Variants in OXTR observed in about 807,000 individuals in gnomAD.
OXTR encodes the protein oxytocin receptor.
In OXTR, 19 loss-of-function variants were observed where a neutral mutation model predicts 23.9. That is an observed-to-expected ratio of 0.80 (90% confidence interval 0.56 to 1.17). OXTR has a LOEUF of 1.17. Among genes scored for constraint, OXTR ranks in the 50% most tolerant of loss-of-function variants. The pLI, the probability that OXTR is intolerant of heterozygous loss-of-function variation, is 0.00. For synonymous variants in OXTR, 278 were observed against 250.5 expected, an observed-to-expected ratio of 1.11 and a Z score of -1.04; for missense variants, 500 against 550.7, an observed-to-expected ratio of 0.91 and a Z score of 0.92.
chr3:8,753,148 C>A lies in OXTR; in HGVS notation c.999G>T (p.Thr333=), dbSNP rs189691866. ...GCACGAGTTCGTGGAAGAGGTGGCC[C>A]GTGAACAGCATGTAGATCCAGGGGT... ...CCNPWIYMLF[T]GHLFHELVQR... Residue 333 remains threonine (T), a synonymous_variant, in exon 4 of 4, where the codon ACG becomes ACT. Transcript: ENST00000316793. 6.2e-7 allele frequency: 1 copy of A among 1,613,998 alleles called. No homozygotes were observed. The highest frequency in any genetic ancestry group is 1.1e-5 in the South Asian group (1 of 91,078).
intron 3 of OXTR, among the ~76,000 whole-genome samples, chr3:8,764,146 T>C (rs1240857181): frequency 6.6e-6 from 1 of 151,228 alleles, no homozygotes; most frequent in Non-Finnish European, 1.5e-5. Flanking sequence ...TTCGGGTCCC[T>C]GGGCCACCAC....
chr3:8,760,660 C>T (rs979824177), intron 3 of OXTR, among the ~76,000 whole-genome samples: 4 of 152,244 alleles, frequency 2.6e-5, no homozygotes, highest in African/African-American at 9.6e-5. Context: ...AGGTAAAAGG[C>T]ATCCCCTGGA....
At position 8,769,504 on chromosome 3, in the gene OXTR, GGGCTGA is replaced by G. The variant is rs1708717602; in HGVS notation, c.-518_-513del. The G allele has an allele frequency of 6.6e-6, 1 of 152,338 alleles. No homozygotes were observed. Among genetic ancestry groups the G allele is most frequent in the Non-Finnish European group, 1.5e-5 (1 of 68,112 alleles). The allele number at this position is 152,338 out of a possible 1,614,324, so 9.4% of individuals were successfully genotyped here. A position where few individuals can be genotyped will look rare whatever the true frequency, so the allele number is the denominator to read the frequency against. The stretch of plus-strand genomic sequence containing the variant: ...CGTCTGGATGCGGCGCTGTGCGCTG[GGGCTGA>G]GGCTGCACTATCGCACGGGTCCGCT... On this transcript the variant is annotated 5_prime_UTR_variant, in exon 1 of 4. Coordinates refer to ENST00000316793, the MANE Select transcript of OXTR (RefSeq NM_000916.4).
chr3:8,741,760 ACC>A, the OXTR span, among the ~76,000 whole-genome samples: 1 of 151,734 alleles, frequency 6.6e-6, no homozygotes, highest in Non-Finnish European at 1.5e-5. Flanking sequence ...GGTATTTTCG[ACC>A]CCGGGTGACT....
rs931656961 is a variant in OXTR, at chr3:8,751,414, T to C, written c.*1563A>G. 3.3e-5 allele frequency: 5 copies of C among 152,218 alleles called. No homozygotes were observed. The highest frequency in any genetic ancestry group is 1.2e-4 in the African/African-American group (5 of 41,458). The allele number at this position is 152,218 out of a possible 1,614,324, so 9.4% of individuals were successfully genotyped here. ...AAGTCCAATTTACCTATTTTTCCAT[T>C]GGTTGCTTGTGTCTTTGGTATCATA... On this transcript the variant is annotated 3_prime_UTR_variant, in exon 4 of 4. Coordinates refer to ENST00000316793, the MANE Select transcript of OXTR (RefSeq NM_000916.4).
Position 8,767,763 on chromosome 3 carries a change from C to T in OXTR, c.425G>A (p.Cys142Tyr). 2 of 1,605,498 alleles carry T rather than the reference C, an allele frequency of 1.2e-6. No homozygotes were observed. The highest frequency in any genetic ancestry group is 1.7e-5 in the Admixed American group (1 of 58,874). The change falls in exon 3 of 4, where the codon TGC becomes TAC. Residue 142 changes from cysteine to tyrosine, a missense_variant. Coordinates refer to ENST00000316793, the MANE Select transcript of OXTR (RefSeq NM_000916.4). Reference sequence around the variant, plus strand: ...GCGGCGCAGCGAGCGCAGCGGCTGGCAGATGGCCAGGCAGCGGTCCAGGGA... The same window carrying T: ...GCGGCGCAGCGAGCGCAGCGGCTGGTAGATGGCCAGGCAGCGGTCCAGGGA... ...LMSLDRCLAI[C>Y]QPLRSLRRRT...
Position 8,767,983 on chromosome 3 carries a change from G to C in OXTR, c.205C>G (p.Gln69Glu). ...CVLLALRTTR[Q>E]KHSRLFFFMK... ...AAGAAGAAGAGGCGCGAGTGCTTCT[G>C]GCGTGTGGTGCGCAGCGCCAGCAGC... The change falls in exon 3 of 4, where the codon CAG becomes GAG. Residue 69 changes from glutamine to glutamate, a missense_variant. Physicochemically the swap from Gln to Glu is conservative, Grantham distance 29. Transcript: ENST00000316793. The C allele has an allele frequency of 6.2e-7, 1 of 1,611,904 alleles. No homozygotes were observed. The highest frequency in any genetic ancestry group is 8.5e-7 in the Non-Finnish European group (1 of 1,179,286).
At chr3:8,765,940 G>A (rs1708597058) in intron 3 of OXTR, among the ~76,000 whole-genome samples, 1 of 152,228 alleles carries the variant, frequency 6.6e-6, no homozygotes, top group African/African-American at 2.4e-5. Context: ...GTGATTTTCA[G>A]AAAGGACCAA....
chr3:8,749,010 C>A (rs945707383), downstream of OXTR, among the ~76,000 whole-genome samples: 2 of 152,116 alleles, frequency 1.3e-5, no homozygotes, highest in Non-Finnish European at 2.9e-5. Flanking sequence ...CCCGGCCATG[C>A]ATATGGTTGT....
intron 3 of OXTR, among the ~76,000 whole-genome samples, chr3:8,762,735 T>C (rs1708516118): frequency 6.6e-6 from 1 of 152,206 alleles, no homozygotes; most frequent in Admixed American, 6.5e-5. Context: ...ATTCTACAGA[T>C]GGGGAAACAG....
At chr3:8,747,055 T>G (rs1358915461), downstream of OXTR, among the ~76,000 whole-genome samples, 1 of 152,132 alleles carries the variant, frequency 6.6e-6, no homozygotes, top group Non-Finnish European at 1.5e-5. Flanking sequence ...CCTTTTTTTT[T>G]TCTTTTTTTC....
intron 3 of OXTR, among the ~76,000 whole-genome samples, chr3:8,764,160 T>C (rs542061030): frequency 6.9e-6 from 1 of 145,244 alleles, no homozygotes; most frequent in African/African-American, 2.7e-5. Context: ...CCACCACATC[T>C]ACAGCCACCA....
At chr3:8,761,504 G>C (rs1319175745) in intron 3 of OXTR, among the ~76,000 whole-genome samples, 2 of 151,254 alleles carry the variant, frequency 1.3e-5, no homozygotes, top group Non-Finnish European at 3.0e-5. Flanking sequence ...GCCTGGGGCG[G>C]CAGGGGTTGG....
In OXTR at chr3:8,767,280, T is replaced by C. The variant is rs762869788; in HGVS notation, c.908A>G (p.Asn303Ser). 8 of 1,553,266 alleles carry C rather than the reference T, an allele frequency of 5.2e-6. No individual in the cohort carries two copies. Among genetic ancestry groups the C allele is most frequent in the South Asian group, 2.5e-5 (2 of 81,544 alleles). ...FVQMWSVWDA[N>S]APKEASAFII... ...GCCCTGGCTACCTTCCTTGGGCGCGTTGGCATCCCAGACGCTCCACATCTG... is the reference window on the plus strand; with the variant it reads ...GCCCTGGCTACCTTCCTTGGGCGCGCTGGCATCCCAGACGCTCCACATCTG... The change falls in exon 3 of 4, where the codon AAC becomes AGC. Residue 303 changes from asparagine (N) to serine (S), a missense_variant. Physicochemically the swap from Asn to Ser is conservative, Grantham distance 46. Transcript: ENST00000316793.
chr3:8,762,357 G>C (rs1054576844), intron 3 of OXTR, among the ~76,000 whole-genome samples: 3 of 152,152 alleles, frequency 2.0e-5, no homozygotes, highest in African/African-American at 7.2e-5. Context: ...CAAACCTTTG[G>C]GGGGAAAAGA....
At chr3:8,761,952 G>A (rs1050636532) in intron 3 of OXTR, among the ~76,000 whole-genome samples, 1 of 152,212 alleles carries the variant, frequency 6.6e-6, no homozygotes, top group African/African-American at 2.4e-5. Context: ...TCCTGGGGCT[G>A]GGGGCTCTGG....
chr3:8,753,599 A>G (rs1272402410), intron 3 of OXTR, among the ~76,000 whole-genome samples: 3 of 152,202 alleles, frequency 2.0e-5, no homozygotes, highest in Non-Finnish European at 4.4e-5. Flanking sequence ...AGTGTCTGCA[A>G]GCACAGTACC....
At position 8,765,521 on chromosome 3, in the gene OXTR, G is replaced by C. The variant is rs531075440; in HGVS notation, c.922+1745C>G. On this transcript the variant is annotated intron_variant, in intron 3 of 3. Coordinates refer to ENST00000316793, the MANE Select transcript of OXTR (RefSeq NM_000916.4). ...CATCCCAAAGCTAGTAAGGGCTGGA[G>C]GAGGACTAGACCCCACATCTCTCCA... 3.3e-5 allele frequency among the ~76,000 whole-genome samples: 5 copies of C among 152,352 alleles called. No homozygotes were observed. The South Asian group carries it at 1.0e-3, about 32-fold the overall frequency.
At chr3:8,757,372 C>T (rs1397986751) in intron 3 of OXTR, among the ~76,000 whole-genome samples, 1 of 150,922 alleles carries the variant, frequency 6.6e-6, no homozygotes. Context: ...TGAAGACTCC[C>T]AATCCCAGAA....
Sources: gnomAD v4.1 joint callset for allele counts (sites outside exome capture counted in the v4.1 genomes callset) on GRCh38, gnomAD v4.1.1 for gene constraint, MANE v1.5 for transcripts, NCBI Gene and HGNC (gene_info 2026-07-23, HGNC 2026-07-21) for gene names.